The following CCDC152 variants were observed in gnomAD, a reference collection of about 807,000 sequenced individuals.
CCDC152 encodes coiled-coil domain-containing protein 152.
A neutral mutation model predicts 38.1 loss-of-function variants in CCDC152; 37 were observed. The ratio of observed to expected loss-of-function variants is 0.97; its 90% CI spans 0.75 to 1.28. The LOEUF is 1.28. Among genes scored for constraint, CCDC152 ranks in the 50% most tolerant of loss-of-function variants. The pLI is 0.00. For synonymous variants in CCDC152, 83 were observed against 87.1 expected, an observed-to-expected ratio of 0.95 and a Z score of 0.26; for missense variants, 259 against 292.1, an observed-to-expected ratio of 0.89 and a Z score of 0.83.
Position 42,758,852 on chromosome 5 carries a change from T to A in CCDC152, c.-2-268T>A, listed in dbSNP as rs1759513458. On this transcript the variant is annotated intron_variant, in intron 1 of 8. Transcript: ENST00000361970. ...AATAATTACAGTTAAAAGTCATGCC[T>A]CAGATTTAATATTGCATTAGGTTTT... Among the ~76,000 whole-genome samples, 4 of 152,208 alleles carry A rather than the reference T, an allele frequency of 2.6e-5. No homozygotes were observed. The South Asian group carries it at 8.3e-4, about 32-fold the overall frequency.
At chr5:42,774,993 T>A (rs1405921595) in intron 4 of CCDC152, among the ~76,000 whole-genome samples, 1 of 149,246 alleles carries the variant, frequency 6.7e-6, no homozygotes, top group South Asian at 2.1e-4. Flanking sequence ...CTTGAGAATA[T>A]GTCAATAGAA....
chr5:42,772,011 A>G (rs1759705400), intron 4 of CCDC152, among the ~76,000 whole-genome samples: 2 of 152,220 alleles, frequency 1.3e-5, no homozygotes, highest in African/African-American at 4.8e-5. Context: ...AAAATCTTCA[A>G]TAAAATACTA....
chr5:42,787,130 G>A (rs2910851), intron 6 of CCDC152, among the ~76,000 whole-genome samples: 67,676 of 151,684 alleles, frequency 0.45, 15,276 homozygotes, highest in East Asian at 0.58. Flanking sequence ...TGCAGTTGTT[G>A]AGTGGAATGT....
At chr5:42,761,446 C>G (rs1561271265) in intron 2 of CCDC152, among the ~76,000 whole-genome samples, 1 of 152,122 alleles carries the variant, frequency 6.6e-6, no homozygotes, top group Non-Finnish European at 1.5e-5. Flanking sequence ...GAAACCCTGT[C>G]TCTGCTAAAA....
intron 2 of CCDC152, among the ~76,000 whole-genome samples, 165 bp from the exon 3 acceptor site, chr5:42,762,275 CTGT>C (rs1759562965): frequency 6.6e-6 from 1 of 152,272 alleles, no homozygotes; most frequent in East Asian, 1.9e-4. Flanking sequence ...TATATGCAGT[CTGT>C]TGTTGATCAA....
chr5:42,769,723 A>T, intron 4 of CCDC152, 58 bp downstream of exon 4: 2 of 1,433,804 alleles, frequency 1.4e-6, no homozygotes, highest in Non-Finnish European at 1.8e-6. Context: ...GCACCTTTAA[A>T]AATAGGAAGT....
chr5:42,777,464 A>G (rs997414255), intron 4 of CCDC152, among the ~76,000 whole-genome samples: 22 of 125,408 alleles, frequency 1.8e-4, no homozygotes, highest in Non-Finnish European at 5.6e-5. Context: ...CTTCATCTCA[A>G]TATAAAAAAA....
intron 6 of CCDC152, among the ~76,000 whole-genome samples, chr5:42,795,865 A>G (rs1336597839): frequency 6.6e-6 from 1 of 151,818 alleles, no homozygotes; most frequent in Non-Finnish European, 1.5e-5. Context: ...GATAGACTGG[A>G]TTAAGAAAAT....
intron 6 of CCDC152, among the ~76,000 whole-genome samples, chr5:42,787,433 G>A (rs1759937013): frequency 6.6e-6 from 1 of 151,506 alleles, no homozygotes; most frequent in Admixed American, 6.6e-5. Flanking sequence ...ACTTTCTCTT[G>A]ATCTCTTTGA....
At chr5:42,772,294 T>C (rs1329829985) in intron 4 of CCDC152, among the ~76,000 whole-genome samples, 1 of 152,222 alleles carries the variant, frequency 6.6e-6, no homozygotes, top group Non-Finnish European at 1.5e-5. Context: ...GGATCTTGCC[T>C]TAACACAATA....
At chr5:42,787,139 G>A (rs1470388098) in intron 6 of CCDC152, among the ~76,000 whole-genome samples, 4 of 152,034 alleles carry the variant, frequency 2.6e-5, no homozygotes, top group African/African-American at 9.7e-5. Context: ...TGAGTGGAAT[G>A]TTCTGTAGAT....
intron 6 of CCDC152, among the ~76,000 whole-genome samples, chr5:42,789,567 AT>A (rs1413698080): frequency 6.6e-6 from 1 of 152,160 alleles, no homozygotes; most frequent in Non-Finnish European, 1.5e-5. Context: ...ACATTTCTAA[AT>A]TTGGTTCCTA....
chr5:42,776,408 T>C (rs1032934208), intron 4 of CCDC152, among the ~76,000 whole-genome samples: 2 of 152,186 alleles, frequency 1.3e-5, no homozygotes, highest in Non-Finnish European at 2.9e-5. Context: ...GTTTTATTTA[T>C]GCATCTAGCA....
chr5:42,786,606 T>G (rs1759924529), intron 6 of CCDC152, among the ~76,000 whole-genome samples: 1 of 152,236 alleles, frequency 6.6e-6, no homozygotes, highest in South Asian at 2.1e-4. Flanking sequence ...CATTGATCCT[T>G]TGTATGGATT....
At chr5:42,785,157 G>T (rs1313005272) in intron 6 of CCDC152, among the ~76,000 whole-genome samples, 2 of 152,020 alleles carry the variant, frequency 1.3e-5, no homozygotes, top group African/African-American at 4.8e-5. Flanking sequence ...TTGTTAATTT[G>T]ATAGAAATTG....
chr5:42,757,621 T>A (rs1259487547), intron 1 of CCDC152, among the ~76,000 whole-genome samples: 1 of 152,134 alleles, frequency 6.6e-6, no homozygotes, highest in Non-Finnish European at 1.5e-5. Context: ...ACTGAAAGGA[T>A]CTTGACCTAA....
chr5:42,793,019 A>T (rs1403399145), intron 6 of CCDC152, among the ~76,000 whole-genome samples: 1 of 152,214 alleles, frequency 6.6e-6, no homozygotes, highest in Non-Finnish European at 1.5e-5. Context: ...CAGCAACCTT[A>T]TTCATCATGG....
Position 42,796,963 on chromosome 5 carries a change from GT to G in CCDC152, c.558+10del, listed in dbSNP as rs1194161080. 1 of 1,505,560 alleles carries G rather than the reference GT, an allele frequency of 6.6e-7. No homozygotes were observed. Among genetic ancestry groups the G allele is most frequent in the Non-Finnish European group, 8.9e-7 (1 of 1,128,320 alleles). 93.3% of individuals were successfully genotyped at this position (1,505,560 alleles called of 1,614,324 possible). ...AATCAAGCTACAACTAGAAGTAAGT[GT>G]TTAAGAGTCTGCTAAACTTGAGGAC... On this transcript the variant is annotated splice_region_variant and intron_variant, in intron 7 of 8. Coordinates refer to ENST00000361970, the MANE Select transcript of CCDC152 (RefSeq NM_001134848.2).
intron 7 of CCDC152, among the ~76,000 whole-genome samples, chr5:42,798,228 T>C (rs1760104570): frequency 1.3e-5 from 2 of 152,224 alleles, no homozygotes; most frequent in Non-Finnish European, 2.9e-5. Flanking sequence ...ATATTTGTCC[T>C]TTAAATGTTT....
Sources: gnomAD v4.1 joint callset for allele counts (sites outside exome capture counted in the v4.1 genomes callset) on GRCh38, gnomAD v4.1.1 for gene constraint, MANE v1.5 for transcripts, NCBI Gene and HGNC (gene_info 2026-07-23, HGNC 2026-07-21) for gene names.